ACACB: variants seen among roughly 807,000 people sequenced by gnomAD.
ACACB encodes the protein acetyl-CoA carboxylase 2.
ACACB carries 209 observed loss-of-function variants against 278.8 expected under a neutral mutation model. That is an observed-to-expected ratio of 0.75 (90% CI 0.67 to 0.84). ACACB has a LOEUF of 0.84. Ranked by LOEUF, ACACB falls within the 40% of genes least tolerant of loss-of-function variation. ACACB has a pLI of 0.00. For synonymous variants in ACACB, 1,174 were observed against 1,285.6 expected (o/e 0.91, Z 1.86); for missense variants, 2,850 against 3,269.0 (o/e 0.87, Z 3.13).
At chr12:109,161,873 T>C (rs1437926084) in intron 2 of ACACB, among the ~76,000 whole-genome samples, 1 of 152,148 alleles carries the variant, frequency 6.6e-6, no homozygotes, top group Admixed American at 6.5e-5. Context: ...AGCAAAGAGA[T>C]AACGGCTCTT....
At chr12:109,149,114 G>A (rs375129620) in intron 2 of ACACB, among the ~76,000 whole-genome samples, 8 of 152,262 alleles carry the variant, frequency 5.3e-5, no homozygotes, top group African/African-American at 7.2e-5. Flanking sequence ...CCAGACCCTC[G>A]TTAGATGTGG....
At chr12:109,199,106 C>G (rs965446808) in intron 17 of ACACB, among the ~76,000 whole-genome samples, 1 of 151,966 alleles carries the variant, frequency 6.6e-6, no homozygotes, top group African/African-American at 2.4e-5. Context: ...AGGAGAATGG[C>G]GTGAACCCGG....
intron 36 of ACACB, chr12:109,241,812 A>C (rs2046806778): frequency 6.0e-6 from 1 of 167,230 alleles, no homozygotes; most frequent in African/African-American, 2.4e-5. Flanking sequence ...ATGTGTGTAC[A>C]TAAAAATATA....
At chr12:109,111,417 G>A in the ACACB span, 1 of 152,286 alleles carries the variant, frequency 6.6e-6, no homozygotes, top group Non-Finnish European at 1.5e-5. Flanking sequence ...TCGGAAGTGA[G>A]GCCAGGGCTC....
At chr12:109,153,724 GC>G (rs1162165960) in intron 2 of ACACB, among the ~76,000 whole-genome samples, 2 of 152,088 alleles carry the variant, frequency 1.3e-5, no homozygotes, top group Non-Finnish European at 2.9e-5. Context: ...ATGCAGTACC[GC>G]CATCTGGGCT....
intron 2 of ACACB, among the ~76,000 whole-genome samples, chr12:109,163,420 T>C (rs2043799328): frequency 6.6e-6 from 1 of 152,080 alleles, no homozygotes; most frequent in Non-Finnish European, 1.5e-5. Context: ...AAAAACAGGC[T>C]CGTAGACATC....
At chr12:109,227,768 C>T (rs1027791565) in intron 28 of ACACB, among the ~76,000 whole-genome samples, 14 of 152,234 alleles carry the variant, frequency 9.2e-5, no homozygotes, top group African/African-American at 1.4e-4. Context: ...CGCGGTGGCT[C>T]ATGCCTGTAA....
chr12:109,162,399 C>A (rs975212498), intron 2 of ACACB, among the ~76,000 whole-genome samples: 1 of 152,056 alleles, frequency 6.6e-6, no homozygotes, highest in Non-Finnish European at 1.5e-5. Flanking sequence ...ACAGAACCCC[C>A]AAAAGGCATA....
rs1391409435 is a variant in ACACB at position 109,217,700 on chromosome 12, T to C, written c.3564+780T>C. ...CTGTAGTCCCAGCTACTCAGGGGGC[T>C]GAGGCAGGAGGATTGCTTGAGCCTG... On this transcript the variant is annotated intron_variant, in intron 24 of 52. Transcript: ENST00000338432. Among the ~76,000 whole-genome samples the C allele has an allele frequency of 1.5e-4, 23 of 150,980 alleles. 2 individuals carry two copies. Among genetic ancestry groups the C allele is most frequent in the Admixed American group, 1.5e-3 (23 of 15,208 alleles).
At chr12:109,160,819 G>A (rs1164664983) in intron 2 of ACACB, among the ~76,000 whole-genome samples, 1 of 152,220 alleles carries the variant, frequency 6.6e-6, no homozygotes, top group Non-Finnish European at 1.5e-5. Context: ...CTGCGGTAAT[G>A]GGCTTGTGGC....
chr12:109,126,501 A>C (rs573488919), intron 1 of ACACB, among the ~76,000 whole-genome samples: 302 of 152,212 alleles, frequency 2.0e-3, no homozygotes, highest in Non-Finnish European at 3.4e-3. Flanking sequence ...TGGGCAACAC[A>C]GAAAGACCCT....
Position 109,209,277 on chromosome 12 carries a change from A to G in ACACB, c.3173A>G (p.Glu1058Gly), listed in dbSNP as rs1593567438. Reference protein sequence around the residue: ...SVAGRIPAPVEKSVRRVMAQY... With the variant: ...SVAGRIPAPVGKSVRRVMAQY... The stretch of plus-strand genomic sequence containing the variant: ...GCAGGCCGCATCCCCGCCCCTGTGG[A>G]GAAGTCTGTCCGCAGGGTGATGGCC... Residue 1058 changes from glutamate (E) to glycine (G), a missense_variant, in exon 21 of 53, where the codon GAG (glutamate) becomes GGG (glycine). This residue lies in a region of ACACB where 2,265 missense variants were observed against 2,561.3 expected (regional missense o/e 0.88). Transcript: ENST00000338432. 6.2e-7 allele frequency: 1 copy of G among 1,612,624 alleles called. No homozygotes were observed. The highest frequency in any genetic ancestry group is 8.5e-7 in the Non-Finnish European group (1 of 1,179,950).
intron 20 of ACACB, 51 bp from the exon 21 acceptor site, chr12:109,209,114 G>A: frequency 6.6e-7 from 1 of 1,524,354 alleles, no homozygotes; most frequent in Non-Finnish European, 8.9e-7. Flanking sequence ...TGGGGCGGTG[G>A]TGCCCATGCC....
At chr12:109,232,380 T>C (rs1243435849) in intron 28 of ACACB, among the ~76,000 whole-genome samples, 1 of 152,126 alleles carries the variant, frequency 6.6e-6, no homozygotes, top group Non-Finnish European at 1.5e-5. Context: ...TGTGGTCAAG[T>C]TCAGCACTTG....
intron 11 of ACACB, among the ~76,000 whole-genome samples, chr12:109,183,029 A>G (rs988559474): frequency 6.6e-6 from 1 of 152,150 alleles, no homozygotes; most frequent in African/African-American, 2.4e-5. Context: ...AGCACCATTT[A>G]TCGAAGAGAC....
Position 109,241,173 on chromosome 12 carries a change from GACC to G in ACACB, c.4921_4923del (p.Thr1641del). On this transcript the variant is annotated inframe_deletion, in exon 36 of 53. Coordinates refer to ENST00000338432, the MANE Select transcript of ACACB (RefSeq NM_001093.4). ...CTGAGGTCAAGATCAACATCCGCCA[GACC>G]ACCACCGGCAGTGCCGTTCCCATCC... is the stretch of plus-strand genomic sequence containing the variant. The G allele has an allele frequency of 6.2e-7, 1 of 1,614,176 alleles. No individual in the cohort carries two copies. The highest frequency in any genetic ancestry group is 1.1e-5 in the South Asian group (1 of 91,076).
chr12:109,204,053 A>T (rs534584566), intron 19 of ACACB, among the ~76,000 whole-genome samples: 2 of 152,238 alleles, frequency 1.3e-5, no homozygotes, highest in East Asian at 3.9e-4. Context: ...TATTATGGGT[A>T]CATAATAGGT....
chr12:109,172,155 C>T, intron 5 of ACACB, 120 bp from the exon 6 acceptor site: 1 of 973,994 alleles, frequency 1.0e-6, no homozygotes, highest in Non-Finnish European at 1.6e-6. Context: ...CTCCTGGGCT[C>T]AAGTGATCCT....
At chr12:109,265,088 T>G in intron 50 of ACACB, 22 bp from the exon 51 acceptor site, 1 of 1,590,020 alleles carries the variant, frequency 6.3e-7, no homozygotes, top group South Asian at 1.2e-5. Flanking sequence ...TTTCCGGGGA[T>G]TCAAGCCTGG....
Sources: allele counts gnomAD v4.1 joint callset (sites outside exome capture counted in the v4.1 genomes callset), GRCh38; gene constraint gnomAD v4.1.1; regional missense constraint gnomAD v4.1.1; transcripts MANE v1.5; gene names NCBI Gene and HGNC (gene_info 2026-07-23, HGNC 2026-07-21).